The following QKI variants were observed in gnomAD, a reference collection of about 807,000 sequenced individuals.
The protein encoded by QKI is KH domain-containing RNA-binding protein QKI.
A neutral mutation model predicts 39.0 loss-of-function variants in QKI; 10 were observed. That is an observed-to-expected ratio of 0.26 (90% CI 0.16 to 0.43). The LOEUF (loss-of-function observed/expected upper bound fraction) is 0.43, where lower values mean the gene tolerates loss of function less well. Ranked by LOEUF, QKI falls within the 20% of genes least tolerant of loss-of-function variation. The probability of loss-of-function intolerance (pLI) is 1.00; values close to 1 mark genes in which losing one functional copy is unlikely to be tolerated. For synonymous variants in QKI, 204 were observed against 155.4 expected (o/e 1.31, Z -2.33); for missense variants, 218 against 428.0 (o/e 0.51, Z 4.33).
intron 3 of QKI, among the ~76,000 whole-genome samples, chr6:163,529,739 G>A (rs1780739355): frequency 1.3e-5 from 2 of 152,178 alleles, no homozygotes; most frequent in African/African-American, 4.8e-5. Flanking sequence ...GGGTGCATGT[G>A]CAGCAGCCAG....
chr6:163,557,569 A>C (rs1298219507), intron 4 of QKI, among the ~76,000 whole-genome samples: 1 of 152,180 alleles, frequency 6.6e-6, no homozygotes, highest in African/African-American at 2.4e-5. Context: ...GGAATGGTTG[A>C]CGGGTACGAT....
chr6:163,432,398 C>CT (rs536271851), intron 1 of QKI, among the ~76,000 whole-genome samples: 18,007 of 143,832 alleles, frequency 0.13, 1,162 homozygotes, highest in African/African-American at 0.16. Flanking sequence ...AATCCCCCCC[C>CT]TTTTTTTTTT....
At chr6:163,479,022 A>C in intron 3 of QKI, 126 bp downstream of exon 3, 124 of 724,996 alleles carry the variant, frequency 1.7e-4, no homozygotes, top group Non-Finnish European at 2.4e-4. Flanking sequence ...GCGGTGGCTC[A>C]CGCCTGTAAT....
intron 2 of QKI, among the ~76,000 whole-genome samples, chr6:163,477,018 TTG>T (rs534483207): frequency 0.28 from 12,983 of 46,940 alleles, 1,802 homozygotes; most frequent in African/African-American, 0.48. Context: ...TTGTTTTGTT[TTG>T]TTTTTTTTTT....
intron 4 of QKI, among the ~76,000 whole-genome samples, chr6:163,548,461 A>G (rs1022109695): frequency 2.0e-5 from 3 of 152,222 alleles, no homozygotes; most frequent in South Asian, 2.1e-4. Flanking sequence ...TTCTAAATCA[A>G]TTAATATCTA....
chr6:163,565,068 A>G (rs2128251187), intron 6 of QKI: 1 of 1,066,174 alleles, frequency 9.4e-7, no homozygotes, highest in East Asian at 6.6e-5. Flanking sequence ...ATGAACAAAT[A>G]CATTTCATTG....
chr6:163,497,202 C>T (rs1309434234), intron 3 of QKI, among the ~76,000 whole-genome samples: 2 of 151,892 alleles, frequency 1.3e-5, no homozygotes, highest in African/African-American at 4.8e-5. Context: ...AAGGCCTTTA[C>T]CTTGTTCAGT....
At chr6:163,529,520 T>C (rs962080218) in intron 3 of QKI, among the ~76,000 whole-genome samples, 1 of 151,998 alleles carries the variant, frequency 6.6e-6, no homozygotes, top group Non-Finnish European at 1.5e-5. Flanking sequence ...TAAGTTACTA[T>C]ATAATACAGA....
intron 2 of QKI, among the ~76,000 whole-genome samples, chr6:163,466,081 C>A (rs1018889804): frequency 6.7e-6 from 1 of 148,910 alleles, no homozygotes; most frequent in Non-Finnish European, 1.5e-5. Context: ...GAGCCGAGAT[C>A]ACATCACTGC....
intron 3 of QKI, among the ~76,000 whole-genome samples, chr6:163,479,638 G>A (rs1242602661): frequency 6.6e-6 from 1 of 152,242 alleles, no homozygotes; most frequent in Non-Finnish European, 1.5e-5. Context: ...CCAAAGGTCT[G>A]GGATTATAGG....
chr6:163,438,778 A>G (rs1437160633), intron 1 of QKI, among the ~76,000 whole-genome samples: 1 of 152,146 alleles, frequency 6.6e-6, no homozygotes, highest in Admixed American at 6.5e-5. Flanking sequence ...CTAGGATACT[A>G]CTGTGGATTT....
chr6:163,502,979 TTCTCTTTTCC>T (rs1778866228), intron 3 of QKI, among the ~76,000 whole-genome samples: 1 of 152,160 alleles, frequency 6.6e-6, no homozygotes, highest in Non-Finnish European at 1.5e-5. Flanking sequence ...TATATAAATG[TTCTCTTTTCC>T]TCTTAGCCTC....
chr6:163,447,963 T>C (rs1228089902), intron 1 of QKI, among the ~76,000 whole-genome samples: 2 of 152,166 alleles, frequency 1.3e-5, no homozygotes, highest in African/African-American at 4.8e-5. Flanking sequence ...AATAGTTGTA[T>C]CTTTTTTGAC....
chr6:163,566,214 G>T, intron 6 of QKI: 1 of 1,299,234 alleles, frequency 7.7e-7, no homozygotes, highest in South Asian at 2.3e-5. Context: ...TATACTGTTT[G>T]CTTTACTAAT....
chr6:163,552,856 A>C (rs1347770672), intron 4 of QKI, among the ~76,000 whole-genome samples: 3 of 151,982 alleles, frequency 2.0e-5, no homozygotes, highest in African/African-American at 7.3e-5. Flanking sequence ...TCTGAATATG[A>C]ATGAGTTTAA....
chr6:163,460,018 A>G (rs1048692181), intron 2 of QKI, among the ~76,000 whole-genome samples: 176 of 152,306 alleles, frequency 1.2e-3, no homozygotes, highest in African/African-American at 4.0e-3. Flanking sequence ...TTTGTCATTA[A>G]ATTTGCCTAG....
intron 1 of QKI, among the ~76,000 whole-genome samples, chr6:163,419,549 G>A (rs1312048750): frequency 1.3e-5 from 2 of 152,138 alleles, no homozygotes; most frequent in Non-Finnish European, 2.9e-5. Context: ...TAGCAAGAAG[G>A]AAGCTACTAT....
At chr6:163,532,000 A>T (rs530754593) in intron 3 of QKI, among the ~76,000 whole-genome samples, 1 of 152,368 alleles carries the variant, frequency 6.6e-6, no homozygotes, top group African/African-American at 2.4e-5. Context: ...TTTAACTATC[A>T]TTTAAGTTGT....
At chr6:163,530,963 C>T (rs780446651) in intron 3 of QKI, among the ~76,000 whole-genome samples, 26 of 151,974 alleles carry the variant, frequency 1.7e-4, no homozygotes, top group Middle Eastern at 3.2e-3. Context: ...AGTTGGACAT[C>T]GTCATTTCAG....
Sources: gnomAD v4.1 joint callset for allele counts (sites outside exome capture counted in the v4.1 genomes callset) on GRCh38, gnomAD v4.1.1 for gene constraint, MANE v1.5 for transcripts, NCBI Gene and HGNC (gene_info 2026-07-23, HGNC 2026-07-21) for gene names.